WTAP: variants seen among roughly 807,000 people sequenced by gnomAD.
The protein encoded by WTAP is pre-mRNA-splicing regulator WTAP.
In WTAP, 8 loss-of-function variants were observed where a neutral mutation model predicts 50.0. That is an observed-to-expected ratio of 0.16 (90% CI 0.09 to 0.29). The LOEUF (loss-of-function observed/expected upper bound fraction) is 0.29, where lower values mean the gene tolerates loss of function less well. Among genes scored for constraint, WTAP ranks in the 10% least tolerant of loss-of-function variants. The probability of loss-of-function intolerance (pLI) is 1.00; values close to 1 mark genes in which losing one functional copy is unlikely to be tolerated. For synonymous variants in WTAP, 194 were observed against 169.0 expected, an observed-to-expected ratio of 1.15 and a Z score of -1.15; for missense variants, 295 against 470.7, an observed-to-expected ratio of 0.63 and a Z score of 3.45.
At chr6:159,750,908 G>A (rs1371494842) in intron 6 of WTAP, among the ~76,000 whole-genome samples, 1 of 152,236 alleles carries the variant, frequency 6.6e-6, no homozygotes, top group South Asian at 2.1e-4. Flanking sequence ...GCGCACGCAC[G>A]TGTGTGTCTT....
chr6:159,731,230 A>G (rs1316083503), intron 1 of WTAP, among the ~76,000 whole-genome samples: 2 of 151,992 alleles, frequency 1.3e-5, no homozygotes, highest in Non-Finnish European at 2.9e-5. Flanking sequence ...TGGAGGCCCA[A>G]GCAGGAGGAT....
chr6:159,727,161 C>T (rs1174118096), upstream of WTAP: 3 of 1,195,828 alleles, frequency 2.5e-6, no homozygotes, highest in Middle Eastern at 2.4e-4. Flanking sequence ...CCGCGGAGCT[C>T]GCGCCAGGCT....
At position 159,753,445 on chromosome 6, in the gene WTAP, C is replaced by T; in HGVS notation, c.453-15C>T. 1.2e-6 allele frequency: 2 copies of T among 1,614,146 alleles called. No individual in the cohort carries two copies. The highest frequency in any genetic ancestry group is 2.2e-5 in the East Asian group (1 of 44,874). On this transcript the variant is annotated splice_polypyrimidine_tract_variant and intron_variant, in intron 6 of 7. Transcript: ENST00000621533. Reference sequence around the variant, plus strand: ...TTTGTCTTCATTTTGTGATGGATGGCTCTTTCCTTTGCAGCCAAACAGGGA... The same window carrying T: ...TTTGTCTTCATTTTGTGATGGATGGTTCTTTCCTTTGCAGCCAAACAGGGA...
chr6:159,737,269 G>A (rs1347939821), intron 2 of WTAP, among the ~76,000 whole-genome samples: 1 of 152,022 alleles, frequency 6.6e-6, no homozygotes, highest in South Asian at 2.1e-4. Flanking sequence ...GGCTGGTCTC[G>A]AACTCCCGGG....
At position 159,748,143 on chromosome 6, in the gene WTAP, GTA is replaced by G; in HGVS notation, c.274-46_274-45del. 6.4e-7 allele frequency: 1 copy of G among 1,566,750 alleles called. No individual in the cohort carries two copies. The highest frequency in any genetic ancestry group is 8.7e-7 in the Non-Finnish European group (1 of 1,150,712). ...GAGGGAGTTTTCCCCACCTTCTTAT[GTA>G]TGTTTCCTTTGATTTGGTCGTAATT... On this transcript the variant is annotated intron_variant, in intron 5 of 7. Coordinates refer to ENST00000621533, the MANE Select transcript of WTAP (RefSeq NM_001270531.2). This position sits in a 1 kb window ranked among gnomAD's most constrained non-coding sequence, Gnocchi z 5.6.
chr6:159,755,572 C>G lies in WTAP; in HGVS notation c.1152C>G (p.Gly384=). 4 of 1,613,792 alleles carry G rather than the reference C, an allele frequency of 2.5e-6. No individual in the cohort carries two copies. The highest frequency in any genetic ancestry group is 3.4e-6 in the Non-Finnish European group (4 of 1,179,896). ...TGGGTTCCCGCCACGTTCAGAATGG[C>G]TTGGACTCAAGTGTAAATGTACAGG... ...RTVGSRHVQN[G]LDSSVNVQGS... is the part of the protein sequence containing the mutation. The change falls in exon 8 of 8, where the codon GGC becomes GGG. Residue 384 remains glycine, a synonymous_variant. Coordinates refer to ENST00000621533, the MANE Select transcript of WTAP (RefSeq NM_001270531.2).
At chr6:159,732,212 T>G (rs1778614988) in intron 1 of WTAP, among the ~76,000 whole-genome samples, 1 of 151,666 alleles carries the variant, frequency 6.6e-6, no homozygotes, top group Non-Finnish European at 1.5e-5. Flanking sequence ...AAAACCTGGG[T>G]TGGTCAAGGA....
At chr6:159,738,929 C>T in intron 2 of WTAP, 61 bp from the exon 3 acceptor site, 2 of 1,266,324 alleles carry the variant, frequency 1.6e-6, no homozygotes, top group African/African-American at 1.5e-5. Flanking sequence ...TCATAGGTCT[C>T]ATTATAGAAC....
In WTAP at chr6:159,727,678, C is replaced by A; in HGVS notation, c.-34C>A. 1.0e-6 allele frequency: 1 copy of A among 985,010 alleles called. No homozygotes were observed. Among genetic ancestry groups the A allele is most frequent in the Non-Finnish European group, 1.2e-6 (1 of 829,958 alleles). The allele number at this position is 985,010 out of a possible 1,614,324, so 61.0% of individuals were successfully genotyped here. A position where few individuals can be genotyped will look rare whatever the true frequency, so the allele number is the denominator to read the frequency against. ...CGGCCTCGGCCTATGCGACCGGTGG[C>A]GCCGGCGCGGCTTCTGCCTGGAGAG... On this transcript the variant is annotated 5_prime_UTR_variant, in exon 1 of 8. Transcript: ENST00000621533.
chr6:159,727,480 G>T, upstream of WTAP: 2 of 994,226 alleles, frequency 2.0e-6, no homozygotes, highest in South Asian at 4.3e-5. Flanking sequence ...GCGGCGGGGC[G>T]GGGCCGGGCG....
intron 2 of WTAP, among the ~76,000 whole-genome samples, chr6:159,738,640 T>A (rs1327706046): frequency 2.2e-4 from 33 of 152,186 alleles, no homozygotes; most frequent in Admixed American, 2.2e-3. Context: ...CTGCCATACT[T>A]CTTCAGATAC....
chr6:159,730,035 T>C (rs1340209874), intron 1 of WTAP, among the ~76,000 whole-genome samples: 2 of 152,238 alleles, frequency 1.3e-5, no homozygotes, highest in African/African-American at 2.4e-5. Context: ...CTCTGAATTA[T>C]CTACATAAAT....
Position 159,748,295 on chromosome 6 carries a change from T to C in WTAP, c.378T>C (p.Gly126=). 1 of 1,613,968 alleles carries C rather than the reference T, an allele frequency of 6.2e-7. No individual in the cohort carries two copies. Among genetic ancestry groups the C allele is most frequent in the East Asian group, 2.2e-5 (1 of 44,886 alleles). The change falls in exon 6 of 8, where the codon GGT becomes GGC. Residue 126 remains glycine, a synonymous_variant. Transcript: ENST00000621533. This position sits in a 1 kb window ranked among gnomAD's most constrained non-coding sequence, Gnocchi z 5.6. ...AINLFFLKMK[G]ELEQTKDKLE... is the part of the protein sequence containing the mutation. ...ACTTGTTTTTCCTAAAAATGAAAGG[T>C]GAACTGGAACAGACTAAAGACAAAC...
chr6:159,731,378 G>C (rs1778560583), intron 1 of WTAP, among the ~76,000 whole-genome samples: 1 of 152,038 alleles, frequency 6.6e-6, no homozygotes, highest in Non-Finnish European at 1.5e-5. Flanking sequence ...TGAGGCAAGA[G>C]GATCAGTTGA....
rs1779976138 is a variant in WTAP at position 159,755,682 on chromosome 6, T to C, written c.*71T>C. 1 of 1,352,848 alleles carries C rather than the reference T, an allele frequency of 7.4e-7. No individual in the cohort carries two copies. The highest frequency in any genetic ancestry group is 1.5e-5 in the African/African-American group (1 of 68,062). The allele number at this position is 1,352,848 out of a possible 1,614,324, so 83.8% of individuals were successfully genotyped here. On this transcript the variant is annotated 3_prime_UTR_variant, in exon 8 of 8. Coordinates refer to ENST00000621533, the MANE Select transcript of WTAP (RefSeq NM_001270531.2). The stretch of plus-strand genomic sequence containing the variant: ...GGATACTGTCCAGAAAATTAATGCA[T>C]ACTTTTGTCACAATTTGCCTTTTTG...
intron 6 of WTAP, among the ~76,000 whole-genome samples, chr6:159,750,785 G>C (rs1779790019): frequency 6.6e-6 from 1 of 152,234 alleles, no homozygotes; most frequent in Non-Finnish European, 1.5e-5. Flanking sequence ...CTGTAAGCCA[G>C]AGTATATCAG....
In WTAP at chr6:159,755,190, C is replaced by A. The variant is rs543667028; in HGVS notation, c.770C>A (p.Ser257Tyr). 1 of 1,614,078 alleles carries A rather than the reference C, an allele frequency of 6.2e-7. No homozygotes were observed. The highest frequency in any genetic ancestry group is 1.3e-5 in the African/African-American group (1 of 74,926). ...CCAAGTACCAGCAGGACTACAGCTT[C>A]TGAACCTGTAGAACAGTCAGAGGCC... ...SAPSTSRTTASEPVEQSEATS... is the reference protein window; with the variant it reads ...SAPSTSRTTAYEPVEQSEATS... The change falls in exon 8 of 8, where the codon TCT (serine) becomes TAT (tyrosine). Residue 257 changes from serine (S) to tyrosine (Y), a missense_variant. Ser to Tyr is a moderately radical substitution (Grantham distance 144). Around this residue, in one of 2 missense-constraint regions of WTAP, gnomAD observed 175 missense variants for 183.1 expected, o/e 0.96. Transcript: ENST00000621533.
intron 1 of WTAP, among the ~76,000 whole-genome samples, chr6:159,734,212 C>A (rs191580847): frequency 1.8e-4 from 27 of 151,974 alleles, no homozygotes; most frequent in Non-Finnish European, 3.2e-4. Context: ...CAGGGTCTTA[C>A]CACATTGCCC....
intron 2 of WTAP, among the ~76,000 whole-genome samples, chr6:159,737,273 TC>T (rs1778978370): frequency 1.3e-5 from 2 of 152,242 alleles, no homozygotes; most frequent in South Asian, 4.2e-4. Context: ...GGTCTCGAAC[TC>T]CCGGGCTCAA....
Sources: gnomAD v4.1 joint callset for allele counts (sites outside exome capture counted in the v4.1 genomes callset) on GRCh38, gnomAD v4.1.1 for gene constraint, gnomAD v4.1.1 regional missense constraint, Gnocchi (gnomAD v3.1) non-coding constraint, MANE v1.5 for transcripts, NCBI Gene and HGNC (gene_info 2026-07-23, HGNC 2026-07-21) for gene names.